The following CCT2 variants were observed in gnomAD, a reference collection of about 807,000 sequenced individuals.
The protein encoded by CCT2 is chaperonin containing TCP1 subunit 2, also known as T-complex protein 1 subunit beta.
A neutral mutation model predicts 61.8 loss-of-function variants in CCT2; 18 were observed. That is an observed-to-expected ratio of 0.29 (90% CI 0.20 to 0.43). The LOEUF is 0.43. Among genes scored for constraint, CCT2 ranks in the 20% least tolerant of loss-of-function variants. CCT2 has a pLI of 1.00. For synonymous variants in CCT2, 248 were observed against 215.9 expected (o/e 1.15, Z -1.30); for missense variants, 556 against 656.9 (o/e 0.85, Z 1.68).
chr12:69,585,898 C>G, intron 1 of CCT2: 7 of 1,272,300 alleles, frequency 5.5e-6, no homozygotes, highest in Non-Finnish European at 5.0e-6. Context: ...CGCAGCCTTC[C>G]GAGGGTGGAA....
At chr12:69,589,122 T>G in intron 6 of CCT2, 1 of 233,690 alleles carries the variant, frequency 4.3e-6, no homozygotes, top group South Asian at 5.7e-5. Context: ...TAGATGGGGT[T>G]TCACCATGTT....
At chr12:69,600,120 A>G in intron 15 of CCT2, 116 bp downstream of exon 15, 1 of 974,522 alleles carries the variant, frequency 1.0e-6, no homozygotes, top group Non-Finnish European at 1.5e-6. Flanking sequence ...GGATAAAAGT[A>G]TGTAAGTTAT....
chr12:69,592,221 A>G, intron 8 of CCT2, 62 bp downstream of exon 8: 1 of 911,266 alleles, frequency 1.1e-6, no homozygotes, highest in African/African-American at 1.7e-5. Flanking sequence ...TCATGCCTGT[A>G]ATCCTAGCAA....
At chr12:69,593,650 T>C (rs759973682) in intron 10 of CCT2, 37 bp downstream of exon 10, 10 of 1,227,394 alleles carry the variant, frequency 8.1e-6, no homozygotes, top group Non-Finnish European at 1.2e-5. Flanking sequence ...ACAAACACAA[T>C]AGTCACTCTT....
intron 3 of CCT2, 102 bp from the exon 4 acceptor site, chr12:69,587,403 C>A: frequency 1.5e-6 from 1 of 655,302 alleles, no homozygotes; most frequent in South Asian, 2.0e-5. Flanking sequence ...AAATAGCTAT[C>A]CAGAGTGTTT....
intron 10 of CCT2, 82 bp from the exon 11 acceptor site, chr12:69,597,074 A>G: frequency 7.8e-7 from 1 of 1,274,554 alleles, no homozygotes; most frequent in South Asian, 1.4e-5. Context: ...ATTACCTATC[A>G]TTATCTATCC....
rs2135851137 is a variant in CCT2, at chr12:69,589,072, G to A, written c.447-413G>A. ...GCCTCCCAAGTAGCAGGGACTACAG[G>A]CATGTGCCATCATAGCCAGCTAATT... On this transcript the variant is annotated intron_variant, in intron 6 of 15. Transcript: ENST00000299300. 2.0e-5 allele frequency: 4 copies of A among 201,584 alleles called. 1 individual carries two copies. In the South Asian group the frequency reaches 2.4e-4, roughly 12 times the overall value. 12.5% of individuals were successfully genotyped at this position (201,584 alleles called of 1,614,324 possible). A position where few individuals can be genotyped will look rare whatever the true frequency, so the allele number is the denominator to read the frequency against.
chr12:69,594,550 T>A (rs1414842594), intron 10 of CCT2, among the ~76,000 whole-genome samples: 1 of 152,200 alleles, frequency 6.6e-6, no homozygotes, highest in Admixed American at 6.5e-5. Context: ...GACATGTCTG[T>A]CTACATCACA....
intron 1 of CCT2, chr12:69,586,043 T>G (rs937229788): frequency 7.2e-7 from 1 of 1,389,054 alleles, no homozygotes; most frequent in African/African-American, 1.5e-5. Context: ...GTGTATAATT[T>G]ATACTCCCGG....
rs1386020002 is a variant in CCT2 at position 69,597,162 on chromosome 12, A to G, written c.989A>G (p.Glu330Gly). The G allele has an allele frequency of 2.5e-6, 4 of 1,613,632 alleles. No individual in the cohort carries two copies. The highest frequency in any genetic ancestry group is 3.3e-5 in the Admixed American group (2 of 59,984). ...VERLALVTGG[E>G]IASTFDHPEL... ...TACATGTTTATGTTTATAGGTGGTG[A>G]AATTGCCTCTACCTTTGATCACCCA... The change falls in exon 11 of 16, where the codon GAA becomes GGA. Residue 330 changes from glutamate to glycine, a missense_variant. Transcript: ENST00000299300.
intron 7 of CCT2, among the ~76,000 whole-genome samples, chr12:69,590,603 A>C (rs1275825875): frequency 6.6e-6 from 1 of 152,096 alleles, no homozygotes; most frequent in East Asian, 1.9e-4. Flanking sequence ...TGTTTTTACC[A>C]GTGGTTTGGA....
chr12:69,594,768 C>T lies in CCT2; in HGVS notation c.982+1155C>T, dbSNP rs115656979. 4.8e-3 allele frequency among the ~76,000 whole-genome samples: 734 copies of T among 151,734 alleles called. 8 individuals are homozygous for T. Among genetic ancestry groups the T allele is most frequent in the African/African-American group, 0.017 (703 of 41,356 alleles). Reference sequence around the variant, plus strand: ...AGGTTGAGGCAGGAGATCTCTTCAGCCCAGGAGTCCAAGGCTACAGTGAGC... The same window carrying T: ...AGGTTGAGGCAGGAGATCTCTTCAGTCCAGGAGTCCAAGGCTACAGTGAGC... On this transcript the variant is annotated intron_variant, in intron 10 of 15. Coordinates refer to ENST00000299300, the MANE Select transcript of CCT2 (RefSeq NM_006431.3).
At chr12:69,585,750 G>A in intron 1 of CCT2, 1 of 1,442,112 alleles carries the variant, frequency 6.9e-7, no homozygotes, top group Non-Finnish European at 9.1e-7. Context: ...CTTGTGCCTA[G>A]GTCTTTGCAT....
chr12:69,598,381 C>T lies in CCT2; in HGVS notation c.1395C>T (p.Leu465=). Reference sequence around the variant, plus strand: ...ACAGTGCAGACCTGGTGGCACAGCTCAGGGCTGCTCACAGTGAAGGCAATA... The same window carrying T: ...ACAGTGCAGACCTGGTGGCACAGCTTAGGGCTGCTCACAGTGAAGGCAATA... ...GYDSADLVAQ[L]RAAHSEGNTT... Residue 465 remains leucine, a synonymous_variant, in exon 14 of 16, where the codon CTC becomes CTT. Transcript: ENST00000299300. The T allele has an allele frequency of 6.2e-7, 1 of 1,604,066 alleles. No homozygotes were observed. The highest frequency in any genetic ancestry group is 8.5e-7 in the Non-Finnish European group (1 of 1,175,582).
chr12:69,598,148 T>C lies in CCT2; in HGVS notation c.1335+77T>C, dbSNP rs1291880009. On this transcript the variant is annotated intron_variant, in intron 13 of 15. Transcript: ENST00000299300. ...GTTTTAAAATGAGTAGAAAATGAAC[T>C]GGTTAATACTGCTTTTAAATTTGAT... 2.7e-6 allele frequency: 3 copies of C among 1,093,508 alleles called. No homozygotes were observed. The African/African-American group carries it at 4.7e-5, about 17-fold the overall frequency. 67.7% of individuals were successfully genotyped at this position (1,093,508 alleles called of 1,614,324 possible).
At chr12:69,599,741 A>G (rs1438297517) in intron 14 of CCT2, 122 bp from the exon 15 acceptor site, 13 of 722,394 alleles carry the variant, frequency 1.8e-5, no homozygotes, top group Non-Finnish European at 2.8e-5. Context: ...TTATCTACCT[A>G]CTGAGTAAAG....
chr12:69,586,550 C>G (rs191887804), intron 2 of CCT2, among the ~76,000 whole-genome samples: 111 of 152,128 alleles, frequency 7.3e-4, no homozygotes, highest in African/African-American at 2.5e-3. Flanking sequence ...CACCTGTAAT[C>G]CCAGCTACTC....
chr12:69,598,353 A>G lies in CCT2; in HGVS notation c.1367A>G (p.Tyr456Cys). ...ACCATCATAGCTGACAATGCAGGCT[A>G]TGACAGTGCAGACCTGGTGGCACAG... is the stretch of plus-strand genomic sequence containing the variant. ...LPTIIADNAG[Y>C]DSADLVAQLR... Residue 456 changes from tyrosine to cysteine, a missense_variant, in exon 14 of 16, where the codon TAT (tyrosine) becomes TGT (cysteine). Coordinates refer to ENST00000299300, the MANE Select transcript of CCT2 (RefSeq NM_006431.3). 6.2e-7 allele frequency: 1 copy of G among 1,603,540 alleles called. No individual in the cohort carries two copies. The highest frequency in any genetic ancestry group is 8.5e-7 in the Non-Finnish European group (1 of 1,175,628).
At chr12:69,593,656 C>T (rs1881902540) in intron 10 of CCT2, 43 bp downstream of exon 10, 3 of 1,193,906 alleles carry the variant, frequency 2.5e-6, no homozygotes, top group East Asian at 4.7e-5. Flanking sequence ...ACAATAGTCA[C>T]TCTTGAATTT....
Sources: allele counts gnomAD v4.1 joint callset (sites outside exome capture counted in the v4.1 genomes callset), GRCh38; gene constraint gnomAD v4.1.1; transcripts MANE v1.5; gene names NCBI Gene and HGNC (gene_info 2026-07-23, HGNC 2026-07-21).